LINGO2: variants seen among roughly 807,000 people sequenced by gnomAD.
LINGO2 encodes leucine rich repeat and Ig domain containing 2, also known as leucine-rich repeat and immunoglobulin-like domain-containing nogo receptor-interacting protein 2.
A neutral mutation model predicts 30.6 loss-of-function variants in LINGO2; 14 were observed. The ratio of observed to expected loss-of-function variants is 0.46; its 90% CI spans 0.30 to 0.72. LINGO2 has a LOEUF of 0.72. Ranked by LOEUF, LINGO2 falls within the 30% of genes least tolerant of loss-of-function variation. LINGO2 has a pLI of 0.07. For missense variants in LINGO2, 729 were observed against 751.7 expected, an observed-to-expected ratio of 0.97 and a Z score of 0.35; for synonymous variants, 317 against 288.5, an observed-to-expected ratio of 1.10 and a Z score of -1.00.
intron 2 of LINGO2, among the ~76,000 whole-genome samples, chr9:28,412,385 T>G (rs1426945824): frequency 6.6e-6 from 1 of 151,988 alleles, no homozygotes; most frequent in East Asian, 1.9e-4. Context: ...CATTTGTGAA[T>G]AGGGTTGTTT....
At chr9:28,224,281 G>A (rs1472779547) in intron 4 of LINGO2, among the ~76,000 whole-genome samples, 1 of 152,122 alleles carries the variant, frequency 6.6e-6, no homozygotes, top group Non-Finnish European at 1.5e-5. Context: ...AGCCAGGATG[G>A]TCTCGATCTC....
chr9:29,180,263 C>A, the LINGO2 span, among the ~76,000 whole-genome samples: 4 of 152,170 alleles, frequency 2.6e-5, no homozygotes, highest in African/African-American at 9.7e-5. Context: ...ACTATTGGAG[C>A]CTGTGGCTCT....
chr9:29,025,357 T>C, the LINGO2 span, among the ~76,000 whole-genome samples: 2 of 152,114 alleles, frequency 1.3e-5, no homozygotes, highest in South Asian at 2.1e-4. Flanking sequence ...TTTTAAGTAT[T>C]ACAGTGAGAA....
the LINGO2 span, among the ~76,000 whole-genome samples, chr9:28,967,083 T>A: frequency 1.3e-5 from 2 of 152,128 alleles, no homozygotes; most frequent in African/African-American, 4.8e-5. Flanking sequence ...CTGCAAGCTG[T>A]GGGACTAGAC....
chr9:28,560,574 A>G (rs1008499704), intron 1 of LINGO2, among the ~76,000 whole-genome samples: 4 of 152,138 alleles, frequency 2.6e-5, no homozygotes, highest in African/African-American at 7.2e-5. Context: ...TATGACTAAT[A>G]TAAAGACTAG....
At chr9:29,114,557 C>T in the LINGO2 span, among the ~76,000 whole-genome samples, 1 of 121,318 alleles carries the variant, frequency 8.2e-6, no homozygotes, top group Non-Finnish European at 1.7e-5. Context: ...CCCCCCTCCC[C>T]CCACCCCATG....
the LINGO2 span, among the ~76,000 whole-genome samples, chr9:28,767,528 G>T: frequency 1.3e-5 from 2 of 152,146 alleles, no homozygotes; most frequent in South Asian, 2.1e-4. Flanking sequence ...GCTCAGGCCT[G>T]TAATCCCAGC....
chr9:28,104,322 A>T (rs1060558), intron 4 of LINGO2, among the ~76,000 whole-genome samples: 12,377 of 145,806 alleles, frequency 0.085, 674 homozygotes, highest in East Asian at 0.2. Context: ...ACGAATGAGA[A>T]ACATGATGTA....
At chr9:28,989,828 C>T in the LINGO2 span, among the ~76,000 whole-genome samples, 15 of 152,132 alleles carry the variant, frequency 9.9e-5, no homozygotes, top group Non-Finnish European at 1.6e-4. Flanking sequence ...AATGTTTGCA[C>T]ATAAAATTCT....
the LINGO2 span, among the ~76,000 whole-genome samples, chr9:28,741,014 G>T: frequency 6.6e-6 from 1 of 151,952 alleles, no homozygotes; most frequent in Admixed American, 6.6e-5. Context: ...CTGGTACCTG[G>T]TTCCCCTGAG....
intron 3 of LINGO2, among the ~76,000 whole-genome samples, chr9:28,347,240 A>G (rs1187308135): frequency 6.6e-6 from 1 of 152,218 alleles, no homozygotes; most frequent in Non-Finnish European, 1.5e-5. Context: ...TATTAAACCT[A>G]TTATAGCCTT....
the LINGO2 span, among the ~76,000 whole-genome samples, chr9:28,842,970 A>T: frequency 1.7e-4 from 26 of 151,868 alleles, no homozygotes; most frequent in Non-Finnish European, 8.8e-5. Flanking sequence ...ACAGAAATTA[A>T]TATTTTGCTA....
At chr9:28,152,589 A>G (rs1828031468) in intron 4 of LINGO2, among the ~76,000 whole-genome samples, 1 of 152,238 alleles carries the variant, frequency 6.6e-6, no homozygotes, top group South Asian at 2.1e-4. Context: ...ATATACAAGA[A>G]TGCAACATGT....
At chr9:28,273,074 A>G (rs981751678) in intron 4 of LINGO2, among the ~76,000 whole-genome samples, 2 of 152,206 alleles carry the variant, frequency 1.3e-5, no homozygotes, top group Non-Finnish European at 2.9e-5. Flanking sequence ...TACTTAGGAC[A>G]ATGCTTCTCC....
At chr9:29,143,789 C>A in the LINGO2 span, among the ~76,000 whole-genome samples, 117 of 152,190 alleles carry the variant, frequency 7.7e-4, no homozygotes, top group Non-Finnish European at 1.5e-3. Context: ...TCCCATTTAT[C>A]AGTTTTTGCT....
At chr9:28,730,176 A>G in the LINGO2 span, among the ~76,000 whole-genome samples, 1 of 152,180 alleles carries the variant, frequency 6.6e-6, no homozygotes, top group South Asian at 2.1e-4. Flanking sequence ...GAAACAGGGC[A>G]ATAAAGGGAA....
the LINGO2 span, among the ~76,000 whole-genome samples, chr9:29,104,639 G>A: frequency 1.3e-5 from 2 of 152,050 alleles, no homozygotes; most frequent in Admixed American, 1.3e-4. Flanking sequence ...GAAGTCTCCT[G>A]GGGTCAAAAT....
the LINGO2 span, among the ~76,000 whole-genome samples, chr9:29,189,779 G>C: frequency 2.8e-4 from 42 of 152,268 alleles, no homozygotes; most frequent in African/African-American, 9.6e-4. Context: ...GGAGGCCGAG[G>C]CTGGCGGATC....
chr9:28,837,051 A>T, the LINGO2 span, among the ~76,000 whole-genome samples: 2 of 152,172 alleles, frequency 1.3e-5, no homozygotes, highest in Non-Finnish European at 2.9e-5. Flanking sequence ...TTGTACAGTT[A>T]TGTTTGTGAG....
Sources: gnomAD v4.1 joint callset for allele counts (sites outside exome capture counted in the v4.1 genomes callset) on GRCh38, gnomAD v4.1.1 for gene constraint, MANE v1.5 for transcripts, NCBI Gene and HGNC (gene_info 2026-07-23, HGNC 2026-07-21) for gene names.